Variants in SLC24A4 observed in about 807,000 individuals in gnomAD.
SLC24A4 encodes solute carrier family 24 member 4, also known as sodium/potassium/calcium exchanger 4.
SLC24A4 carries 53 observed loss-of-function variants against 79.0 expected under a neutral mutation model. That is an observed-to-expected ratio of 0.67 (90% confidence interval 0.54 to 0.84). The LOEUF is 0.84. Among genes scored for constraint, SLC24A4 ranks in the 40% least tolerant of loss-of-function variants. The probability of loss-of-function intolerance (pLI) is 0.00; values close to 1 mark genes in which losing one functional copy is unlikely to be tolerated. For synonymous variants in SLC24A4, 323 were observed against 323.8 expected (o/e 1.00, Z 0.03); for missense variants, 731 against 822.0 (o/e 0.89, Z 1.35).
chr14:92,457,290 CTGT>C (rs58690577), intron 12 of SLC24A4: 117,359 of 153,222 alleles, frequency 0.77, 45,401 homozygotes, highest in African/African-American at 0.87. Context: ...CTAGAACACA[CTGT>C]CATTCCTAGA....
intron 13 of SLC24A4, chr14:92,483,899 C>T: frequency 7.8e-7 from 1 of 1,285,192 alleles, no homozygotes; most frequent in South Asian, 1.2e-5. Flanking sequence ...ACAGCAGGGC[C>T]AGTAAACGTT....
At position 92,461,364 on chromosome 14, in the gene SLC24A4, A is replaced by G. The variant is rs151134137; in HGVS notation, c.1255+4756A>G. On this transcript the variant is annotated intron_variant, in intron 12 of 16. Coordinates refer to ENST00000532405, the MANE Select transcript of SLC24A4 (RefSeq NM_153646.4). ...TCTTCTATTGCTCTGTAATTCTTAT[A>G]TTAGTCAGCTCAGGCCGTCCTAACA... is the stretch of plus-strand genomic sequence containing the variant. 8.5e-5 allele frequency among the ~76,000 whole-genome samples: 13 copies of G among 152,308 alleles called. No individual in the cohort carries two copies. In the East Asian group the frequency reaches 2.5e-3, roughly 29 times the overall value.
chr14:92,468,247 G>T (rs2139882747), intron 12 of SLC24A4, among the ~76,000 whole-genome samples: 1 of 152,306 alleles, frequency 6.6e-6, no homozygotes, highest in East Asian at 1.9e-4. Context: ...ACAAAACATT[G>T]TAGAAAGAAA....
At chr14:92,362,277 G>A (rs1385890034) in intron 2 of SLC24A4, among the ~76,000 whole-genome samples, 1 of 152,038 alleles carries the variant, frequency 6.6e-6, no homozygotes, top group Admixed American at 6.6e-5. Context: ...GAGCCTCGGA[G>A]CTCCATTTCC....
At chr14:92,454,154 ATC>A in intron 11 of SLC24A4, 85 bp downstream of exon 11, 12 of 1,409,704 alleles carry the variant, frequency 8.5e-6, no homozygotes, top group Non-Finnish European at 1.2e-5. Context: ...GGTGCCATTG[ATC>A]ACTGCACCTG....
At chr14:92,428,658 G>A (rs1354051455) in intron 2 of SLC24A4, among the ~76,000 whole-genome samples, 1 of 152,228 alleles carries the variant, frequency 6.6e-6, no homozygotes, top group Non-Finnish European at 1.5e-5. Flanking sequence ...GCTCAGAGAA[G>A]ATTGAAATTT....
At chr14:92,421,167 A>G (rs2141819286) in intron 2 of SLC24A4, among the ~76,000 whole-genome samples, 1 of 152,334 alleles carries the variant, frequency 6.6e-6, no homozygotes, top group East Asian at 1.9e-4. Flanking sequence ...CAGTACAACA[A>G]CGAGAAAAAC....
chr14:92,430,612 G>C (rs936974618), intron 2 of SLC24A4, among the ~76,000 whole-genome samples: 2 of 152,180 alleles, frequency 1.3e-5, no homozygotes, highest in African/African-American at 4.8e-5. Flanking sequence ...TGGGGTGTGA[G>C]GACACCTGGG....
chr14:92,475,395 A>G (rs1894708530), intron 12 of SLC24A4, among the ~76,000 whole-genome samples: 1 of 152,256 alleles, frequency 6.6e-6, no homozygotes, highest in African/African-American at 2.4e-5. Context: ...TGCAGAAGGC[A>G]CCAGGAGCTG....
intron 2 of SLC24A4, among the ~76,000 whole-genome samples, chr14:92,413,733 G>T (rs1248298594): frequency 1.3e-5 from 2 of 152,188 alleles, no homozygotes; most frequent in Non-Finnish European, 2.9e-5. Flanking sequence ...GGACAGACCT[G>T]CTGGTTGTAT....
intron 12 of SLC24A4, among the ~76,000 whole-genome samples, chr14:92,478,467 T>C (rs4904931): frequency 0.91 from 138,363 of 152,194 alleles, 63,877 homozygotes; most frequent in Non-Finnish European, 0.99. Context: ...GGTTTATTTC[T>C]GGACTCAAAA....
At chr14:92,404,076 A>G (rs2141770763) in intron 2 of SLC24A4, among the ~76,000 whole-genome samples, 1 of 152,332 alleles carries the variant, frequency 6.6e-6, no homozygotes, top group South Asian at 2.1e-4. Flanking sequence ...ACTGTGTTAG[A>G]AAAGAGTAAG....
rs1459540762 is a variant in SLC24A4 at position 92,493,912 on chromosome 14, T to C, written c.*284T>C. 4.5e-6 allele frequency: 2 copies of C among 443,620 alleles called. No individual in the cohort carries two copies. The highest frequency in any genetic ancestry group is 4.1e-6 in the Non-Finnish European group (1 of 245,074). 27.5% of individuals were successfully genotyped at this position (443,620 alleles called of 1,614,324 possible). A position where few individuals can be genotyped will look rare whatever the true frequency, so the allele number is the denominator to read the frequency against. ...GCCAACCACGGAGATGTGCCAAGCATCTCATCTCTCCTGCACACTTTAGTC... is the reference window on the plus strand; with the variant it reads ...GCCAACCACGGAGATGTGCCAAGCACCTCATCTCTCCTGCACACTTTAGTC... On this transcript the variant is annotated 3_prime_UTR_variant, in exon 17 of 17. Coordinates refer to ENST00000532405, the MANE Select transcript of SLC24A4 (RefSeq NM_153646.4).
intron 2 of SLC24A4, among the ~76,000 whole-genome samples, chr14:92,380,441 A>G (rs1382360062): frequency 6.6e-6 from 1 of 151,992 alleles, no homozygotes; most frequent in Non-Finnish European, 1.5e-5. Context: ...GCCCCCTTAG[A>G]TCCATACTGG....
chr14:92,353,369 T>G lies in SLC24A4; in HGVS notation c.241+27391T>G, dbSNP rs1014545904. On this transcript the variant is annotated intron_variant, in intron 2 of 16. Coordinates refer to ENST00000532405, the MANE Select transcript of SLC24A4 (RefSeq NM_153646.4). The surrounding 1 kb of genome is among the most constrained non-coding windows in gnomAD (Gnocchi z 4.1). ...CCTAATGATGTATATGCATTTAGTT[T>G]ATTGTTGTAGCGCAAGAGGGCAAAA... 6.6e-6 allele frequency among the ~76,000 whole-genome samples: 1 copy of G among 152,242 alleles called. No homozygotes were observed. The highest frequency in any genetic ancestry group is 1.5e-5 in the Non-Finnish European group (1 of 68,038).
At chr14:92,455,401 T>C (rs1219199444) in intron 11 of SLC24A4, among the ~76,000 whole-genome samples, 1 of 152,242 alleles carries the variant, frequency 6.6e-6, no homozygotes, top group African/African-American at 2.4e-5. Context: ...GGTTATTCAA[T>C]ATAATAGAAT....
At position 92,493,573 on chromosome 14, in the gene SLC24A4, T is replaced by C. The variant is rs773828063; in HGVS notation, c.1814T>C (p.Ile605Thr). 1.9e-6 allele frequency: 3 copies of C among 1,614,162 alleles called. No homozygotes were observed. The highest frequency in any genetic ancestry group is 2.5e-6 in the Non-Finnish European group (3 of 1,180,036). ...YAIFLCFSIM[I>T]EFNVFTFVNL... ...ATCTTCTTGTGCTTCTCCATAATGA[T>C]AGAGTTTAACGTCTTTACCTTCGTC... The change falls in exon 17 of 17, where the codon ATA becomes ACA. Residue 605 changes from isoleucine to threonine, a missense_variant. By Grantham distance (89) the Ile-to-Thr change is moderately conservative (BLOSUM62 -1). Transcript: ENST00000532405.
rs1011663504 is a variant in SLC24A4 at position 92,495,917 on chromosome 14, A to G, written c.*2289A>G. ...ATTTCCTAATATCTGTCCCTATCCA[A>G]TGCCTCTATTTTATCTTGAAAAAAG... On this transcript the variant is annotated 3_prime_UTR_variant, in exon 17 of 17. Coordinates refer to ENST00000532405, the MANE Select transcript of SLC24A4 (RefSeq NM_153646.4). 45 of 152,182 alleles carry G rather than the reference A, an allele frequency of 3.0e-4. 1 individual carries two copies. The allele number at this position is 152,182 out of a possible 1,614,324, so 9.4% of individuals were successfully genotyped here.
intron 14 of SLC24A4, 41 bp downstream of exon 14, chr14:92,486,821 G>A (rs774300855): frequency 2.7e-6 from 4 of 1,454,582 alleles, no homozygotes; most frequent in Non-Finnish European, 3.8e-6. Flanking sequence ...TGCAGTGCAG[G>A]CCACTGTGTC....
Sources: gnomAD v4.1 joint callset for allele counts (sites outside exome capture counted in the v4.1 genomes callset) on GRCh38, gnomAD v4.1.1 for gene constraint, Gnocchi (gnomAD v3.1) non-coding constraint, MANE v1.5 for transcripts, NCBI Gene and HGNC (gene_info 2026-07-23, HGNC 2026-07-21) for gene names.